ZSCAN1: variants seen among roughly 807,000 people sequenced by gnomAD.
The protein encoded by ZSCAN1 is zinc finger and SCAN domain-containing protein 1.
A neutral mutation model predicts 23.8 loss-of-function variants in ZSCAN1; 23 were observed. That is an observed-to-expected ratio of 0.97 (90% CI 0.70 to 1.37). The LOEUF is 1.37. ZSCAN1 is among the 40% of genes most tolerant of loss of function. ZSCAN1 has a pLI of 0.00. For missense variants in ZSCAN1, 575 were observed against 554.0 expected (o/e 1.04, Z -0.38); for synonymous variants, 236 against 232.3 (o/e 1.02, Z -0.15).
rs1032186019 is a variant in ZSCAN1, at chr19:58,045,470, G to C, written c.465+4926G>C. 1 of 1,261,754 alleles carries C rather than the reference G, an allele frequency of 7.9e-7. No homozygotes were observed. Among genetic ancestry groups the C allele is most frequent in the African/African-American group, 1.5e-5 (1 of 68,304 alleles). The allele number at this position is 1,261,754 out of a possible 1,614,324, so 78.2% of individuals were successfully genotyped here. On this transcript the variant is annotated intron_variant, in intron 4 of 5. Transcript: ENST00000282326. This position sits in a 1 kb window ranked among gnomAD's most constrained non-coding sequence, Gnocchi z 4.3. ...TGTTTTTCCAGAAGATCCGGGAGAC[G>C]GGGGAGAGGCCCAGCAATGAGGAAA...
Position 58,038,121 on chromosome 19 carries a change from G to C in ZSCAN1, c.285G>C (p.Arg95=). The C allele has an allele frequency of 6.2e-7, 1 of 1,610,582 alleles. No homozygotes were observed. Among genetic ancestry groups the C allele is most frequent in the Non-Finnish European group, 8.5e-7 (1 of 1,179,678 alleles). ...QFLGALPSKM[R]TWVQSQGPRS... ...TGGGCGCGCTGCCCAGCAAGATGCG[G>C]ACCTGGGTGCAGTCACAGGGCCCCC... The change falls in exon 3 of 6, where the codon CGG becomes CGC. Residue 95 remains arginine (R), a synonymous_variant. Coordinates refer to ENST00000282326, the MANE Select transcript of ZSCAN1 (RefSeq NM_182572.4).
intron 4 of ZSCAN1, 106 bp from the exon 5 acceptor site, chr19:58,052,384 G>T (rs149921828): frequency 6.4e-7 from 1 of 1,570,846 alleles, no homozygotes; most frequent in South Asian, 1.1e-5. Context: ...CACTGCCCTG[G>T]GACAGAGCCT....
Position 58,049,627 on chromosome 19 carries a change from GA to G in ZSCAN1, c.466-2861del, listed in dbSNP as rs1019906848. Among the ~76,000 whole-genome samples the G allele has an allele frequency of 6.6e-6, 1 of 152,208 alleles. No homozygotes were observed. Among genetic ancestry groups the G allele is most frequent in the African/African-American group, 2.4e-5 (1 of 41,450 alleles). ...ATTACCCCATGGGGAGGGGCTGCCT[GA>G]AGCCTGTAAGGGTAGCTGCCCGAAG... On this transcript the variant is annotated intron_variant, in intron 4 of 5. Transcript: ENST00000282326. The surrounding 1 kb of genome is among the most constrained non-coding windows in gnomAD (Gnocchi z 4.5).
At chr19:58,036,876 GT>G (rs1326082745) in intron 2 of ZSCAN1, among the ~76,000 whole-genome samples, 1 of 152,072 alleles carries the variant, frequency 6.6e-6, no homozygotes, top group Non-Finnish European at 1.5e-5. Flanking sequence ...AGTAGACGGG[GT>G]TTCGCCATGT....
chr19:58,045,125 CA>C lies in ZSCAN1; in HGVS notation c.465+4582del. On this transcript the variant is annotated intron_variant, in intron 4 of 5. Transcript: ENST00000282326. The surrounding 1 kb of genome is among the most constrained non-coding windows in gnomAD (Gnocchi z 4.3). ...GGATCCACACCAAGATCGCAGCACG[CA>C]TGCTCTGGCGCATCCTCAACTGCCA... The C allele has an allele frequency of 2.4e-6, 3 of 1,252,696 alleles. No individual in the cohort carries two copies. In the Admixed American group the frequency reaches 5.1e-5, roughly 21 times the overall value. The allele number at this position is 1,252,696 out of a possible 1,614,324, so 77.6% of individuals were successfully genotyped here. A position where few individuals can be genotyped will look rare whatever the true frequency, so the allele number is the denominator to read the frequency against.
intron 4 of ZSCAN1, chr19:58,046,296 C>A: frequency 1.2e-6 from 1 of 818,494 alleles, no homozygotes; most frequent in Non-Finnish European, 2.2e-6. Flanking sequence ...ACATGCAGGA[C>A]TACAGCGAGG....
chr19:58,052,968 T>C (rs1485407666), intron 5 of ZSCAN1, among the ~76,000 whole-genome samples: 1 of 151,372 alleles, frequency 6.6e-6, no homozygotes, highest in African/African-American at 2.4e-5. Flanking sequence ...TGCCTTTTTT[T>C]TTTTTTTTCG....
At chr19:58,034,676 C>T (rs2073721312) in intron 1 of ZSCAN1, among the ~76,000 whole-genome samples, 1 of 139,390 alleles carries the variant, frequency 7.2e-6, no homozygotes, top group Non-Finnish European at 1.6e-5. Flanking sequence ...TCTCTCCCTA[C>T]AAGCTCCCCC....
chr19:58,043,250 T>C (rs908811616), intron 4 of ZSCAN1, among the ~76,000 whole-genome samples: 1 of 152,172 alleles, frequency 6.6e-6, no homozygotes, highest in Non-Finnish European at 1.5e-5. Context: ...GAGAAATGCT[T>C]CCTTAGGCGG....
intron 4 of ZSCAN1, among the ~76,000 whole-genome samples, chr19:58,042,902 T>G (rs918260222): frequency 6.6e-6 from 1 of 152,206 alleles, no homozygotes; most frequent in Admixed American, 6.5e-5. Flanking sequence ...TGGTTTAGGC[T>G]GTGGGGCTCA....
At chr19:58,035,472 G>GCC (rs2073728163) in intron 1 of ZSCAN1, 4 of 152,206 alleles carry the variant, frequency 2.6e-5, no homozygotes, top group Non-Finnish European at 5.9e-5. Context: ...GATGCTGAGG[G>GCC]GCTACAGCCC....
intron 3 of ZSCAN1, among the ~76,000 whole-genome samples, chr19:58,039,455 T>A (rs187506701): frequency 2.0e-5 from 3 of 152,160 alleles, no homozygotes; most frequent in Admixed American, 2.0e-4. Flanking sequence ...GCAAGTATAA[T>A]GAACAGCCCT....
rs535293162 is a variant in ZSCAN1 at position 58,047,102 on chromosome 19, G to A, written c.466-5388G>A. ...TCTGACTGTGCTGCCCTGTGCCCAG[G>A]GAGGAGAATGAGGACCACATGGACT... is the stretch of plus-strand genomic sequence containing the variant. On this transcript the variant is annotated intron_variant, in intron 4 of 5. Transcript: ENST00000282326. This position sits in a 1 kb window ranked among gnomAD's most constrained non-coding sequence, Gnocchi z 4.9. Among the ~76,000 whole-genome samples the A allele has an allele frequency of 6.6e-5, 10 of 152,324 alleles. No homozygotes were observed. The South Asian group carries it at 2.1e-3, about 32-fold the overall frequency.
rs1354563726 is a variant in ZSCAN1, at chr19:58,034,521, TCGGC to T, written c.-152+363_-152+366del. On this transcript the variant is annotated intron_variant, in intron 1 of 5. Transcript: ENST00000282326. ...CCCCCATTGCCCGCCCAAACACCGC[TCGGC>T]CGCGTCCAAGTTCTCCCTTCCACAC... is the stretch of plus-strand genomic sequence containing the variant. Among the ~76,000 whole-genome samples, 5 of 151,348 alleles carry T rather than the reference TCGGC, an allele frequency of 3.3e-5. No individual in the cohort carries two copies. The East Asian group carries it at 9.9e-4, about 30-fold the overall frequency.
At position 58,038,225 on chromosome 19, in the gene ZSCAN1, C is replaced by A. The variant is rs2241406; in HGVS notation, c.370+19C>A. 4.4e-6 allele frequency: 7 copies of A among 1,589,826 alleles called. No individual in the cohort carries two copies. The highest frequency in any genetic ancestry group is 5.1e-6 in the Non-Finnish European group (6 of 1,171,712). On this transcript the variant is annotated intron_variant, in intron 3 of 5. Transcript: ENST00000282326. ...CAGGAAGGTGAGAGGCGCAGGCTTC[C>A]TGCCCCGGGCCGGGCCAGGGGGCCT... is the stretch of plus-strand genomic sequence containing the variant.
rs2123419204 is a variant in ZSCAN1, at chr19:58,037,870, AGACG to A, written c.35_38del (p.Arg12ThrfsTer55). The A allele has an allele frequency of 8.6e-6, 6 of 698,008 alleles. No homozygotes were observed. The highest frequency in any genetic ancestry group is 6.4e-6 in the Non-Finnish European group (3 of 470,678). 43.2% of individuals were successfully genotyped at this position (698,008 alleles called of 1,614,324 possible). Reference sequence around the variant, plus strand: ...ACGGCCCAAAGCCCCTGCCTCCCCCAGACGCCCCCAGACCCCAACCCCGAGTGAG... The same window carrying A: ...ACGGCCCAAAGCCCCTGCCTCCCCCACCCCCAGACCCCAACCCCGAGTGAG... On this transcript the variant is annotated frameshift_variant, in exon 3 of 6. Transcript: ENST00000282326. LOFTEE classifies it high-confidence loss of function.
At position 58,045,238 on chromosome 19, in the gene ZSCAN1, T is replaced by C. The variant is rs2073817523; in HGVS notation, c.465+4694T>C. 3.7e-6 allele frequency: 3 copies of C among 810,572 alleles called. No homozygotes were observed. Among genetic ancestry groups the C allele is most frequent in the East Asian group, 4.9e-5 (2 of 41,228 alleles). 50.2% of individuals were successfully genotyped at this position (810,572 alleles called of 1,614,324 possible). On this transcript the variant is annotated intron_variant, in intron 4 of 5. Coordinates refer to ENST00000282326, the MANE Select transcript of ZSCAN1 (RefSeq NM_182572.4). The surrounding 1 kb of genome is among the most constrained non-coding windows in gnomAD (Gnocchi z 4.3). ...GTGCCGTTCCTCCTGTTCGTGGTGGTGCCGTTCGTGGAGTTTCTGCTGCCT... is the reference window on the plus strand; with the variant it reads ...GTGCCGTTCCTCCTGTTCGTGGTGGCGCCGTTCGTGGAGTTTCTGCTGCCT...
Position 58,053,939 on chromosome 19 carries a change from C to T in ZSCAN1, c.1115C>T (p.Ala372Val). The T allele has an allele frequency of 6.2e-7, 1 of 1,611,886 alleles. No individual in the cohort carries two copies. The highest frequency in any genetic ancestry group is 1.1e-5 in the South Asian group (1 of 90,906). ...AGGGATGGAGCCCAGGGCCCAGTGG[C>T]CCCTCGCAGCCCCAAAAGACCCTTC... is the stretch of plus-strand genomic sequence containing the variant. ...PPRDGAQGPV[A>V]PRSPKRPFQC... The change falls in exon 6 of 6, where the codon GCC becomes GTC. Residue 372 changes from alanine (A) to valine (V), a missense_variant. Coordinates refer to ENST00000282326, the MANE Select transcript of ZSCAN1 (RefSeq NM_182572.4). The surrounding 1 kb of genome is among the most constrained non-coding windows in gnomAD (Gnocchi z 5.8).
Position 58,047,361 on chromosome 19 carries a change from G to A in ZSCAN1, c.466-5129G>A, listed in dbSNP as rs1046627991. Among the ~76,000 whole-genome samples the A allele has an allele frequency of 5.9e-5, 9 of 152,218 alleles. No homozygotes were observed. Among genetic ancestry groups the A allele is most frequent in the African/African-American group, 2.2e-4 (9 of 41,446 alleles). ...GTGACGTCTCCCTGCTGGCAGGGCC[G>A]GTTCTCACCTGCAGTTTTCCTTGTG... is the stretch of plus-strand genomic sequence containing the variant. On this transcript the variant is annotated intron_variant, in intron 4 of 5. Transcript: ENST00000282326. The surrounding 1 kb of genome is among the most constrained non-coding windows in gnomAD (Gnocchi z 4.9).
Sources: gnomAD v4.1 joint callset for allele counts (sites outside exome capture counted in the v4.1 genomes callset) on GRCh38, gnomAD v4.1.1 for gene constraint, Gnocchi (gnomAD v3.1) non-coding constraint, MANE v1.5 for transcripts, NCBI Gene and HGNC (gene_info 2026-07-23, HGNC 2026-07-21) for gene names.